Variants in WIF1 observed in about 807,000 individuals in gnomAD.
The protein encoded by WIF1 is Wnt inhibitory factor 1.
WIF1 carries 35 observed loss-of-function variants against 53.5 expected under a neutral mutation model. That is an observed-to-expected ratio of 0.65 (90% CI 0.50 to 0.87). The LOEUF (loss-of-function observed/expected upper bound fraction) is 0.87, where lower values mean the gene tolerates loss of function less well. Among genes scored for constraint, WIF1 ranks in the 40% least tolerant of loss-of-function variants. The pLI is 0.00. For synonymous variants in WIF1, 171 were observed against 170.4 expected (o/e 1.00, Z -0.03); for missense variants, 467 against 476.8 (o/e 0.98, Z 0.19).
At chr12:65,117,959 G>T (rs538485023) in intron 2 of WIF1, among the ~76,000 whole-genome samples, 114 of 152,314 alleles carry the variant, frequency 7.5e-4, no homozygotes, top group African/African-American at 2.6e-3. Context: ...TTCCCAAAAG[G>T]CCATGGACCA....
chr12:65,087,154 G>T (rs1883052239), intron 2 of WIF1, among the ~76,000 whole-genome samples: 1 of 151,886 alleles, frequency 6.6e-6, no homozygotes, highest in African/African-American at 2.4e-5. Flanking sequence ...CATCGCGGGG[G>T]AAAAAATAAA....
At chr12:65,089,052 A>G (rs1365771183) in intron 2 of WIF1, among the ~76,000 whole-genome samples, 4 of 151,930 alleles carry the variant, frequency 2.6e-5, no homozygotes, top group Non-Finnish European at 2.9e-5. Flanking sequence ...TTCAAATTAC[A>G]CCTACATTTC....
rs138241385 is a variant in WIF1 at position 65,051,383 on chromosome 12, C to T, written c.1106G>A (p.Arg369Gln). 902 of 1,613,606 alleles carry T rather than the reference C, an allele frequency of 5.6e-4. 3 individuals are homozygous for T. The highest frequency in any genetic ancestry group is 1.6e-3 in the Admixed American group (95 of 59,934). ...GTAATTGGATTCAGGTGGATCCCGCCGCTCCTCGGCCTTTTTAAGTGAAGG... is the reference window on the plus strand; with the variant it reads ...GTAATTGGATTCAGGTGGATCCCGCTGCTCCTCGGCCTTTTTAAGTGAAGG... ...HTPSLKKAEE[R>Q]RDPPESNYIW The change falls in exon 10 of 10, where the codon CGG (arginine) becomes CAG (glutamine). Residue 369 changes from arginine (R) to glutamine (Q), a missense_variant. By Grantham distance (43) the Arg-to-Gln change is conservative (BLOSUM62 1). Transcript: ENST00000286574.
At chr12:65,088,908 A>G (rs1301075921) in intron 2 of WIF1, among the ~76,000 whole-genome samples, 2 of 152,122 alleles carry the variant, frequency 1.3e-5, no homozygotes, top group African/African-American at 4.8e-5. Context: ...CTTTCATCAC[A>G]TTGTCAAAAG....
chr12:65,093,799 C>T (rs951640044), intron 2 of WIF1, among the ~76,000 whole-genome samples: 12 of 152,090 alleles, frequency 7.9e-5, no homozygotes, highest in East Asian at 1.9e-4. Flanking sequence ...TCTGGAACAT[C>T]GTTAACTCAT....
At chr12:65,055,889 A>G (rs1020481504) in intron 8 of WIF1, 142 bp downstream of exon 8, 17 of 644,812 alleles carry the variant, frequency 2.6e-5, no homozygotes, top group African/African-American at 2.4e-4. Flanking sequence ...TCTGGTCTAC[A>G]TAAGGAAGCA....
At chr12:65,101,644 GCAAAACTAAGAA>G (rs1883283501) in intron 2 of WIF1, among the ~76,000 whole-genome samples, 1 of 152,180 alleles carries the variant, frequency 6.6e-6, no homozygotes, top group African/African-American at 2.4e-5. Context: ...AAATTCAAAT[GCAAAACTAAGAA>G]CAATGCAGAA....
intron 3 of WIF1, among the ~76,000 whole-genome samples, chr12:65,077,189 G>A (rs568979738): frequency 1.3e-5 from 2 of 152,320 alleles, no homozygotes; most frequent in East Asian, 1.9e-4. Context: ...TAACGCAAGA[G>A]TGAGTCTGTT....
intron 3 of WIF1, among the ~76,000 whole-genome samples, chr12:65,070,611 C>T (rs535676864): frequency 4.6e-5 from 7 of 152,276 alleles, no homozygotes; most frequent in South Asian, 2.1e-4. Flanking sequence ...AAAACTTGAA[C>T]GGATACTTAA....
chr12:65,066,817 G>A (rs780602885), intron 5 of WIF1, 81 bp from the exon 6 acceptor site: 3 of 937,616 alleles, frequency 3.2e-6, no homozygotes, highest in Non-Finnish European at 4.6e-6. Flanking sequence ...AATACAACAG[G>A]TCTACATTTT....
At chr12:65,088,378 T>C (rs976991511) in intron 2 of WIF1, among the ~76,000 whole-genome samples, 1 of 152,146 alleles carries the variant, frequency 6.6e-6, no homozygotes, top group African/African-American at 2.4e-5. Context: ...CCAATCCTGG[T>C]TCCTTTCCAT....
At chr12:65,082,179 C>A (rs899989627) in intron 2 of WIF1, among the ~76,000 whole-genome samples, 18 of 152,042 alleles carry the variant, frequency 1.2e-4, no homozygotes, top group Non-Finnish European at 7.4e-5. Flanking sequence ...TATTCTTAGA[C>A]CCAAATCTCC....
chr12:65,059,411 A>G (rs1378295167), intron 7 of WIF1, among the ~76,000 whole-genome samples: 1 of 152,204 alleles, frequency 6.6e-6, no homozygotes, highest in Non-Finnish European at 1.5e-5. Flanking sequence ...AATAAGAAGA[A>G]CCCACTCAGT....
chr12:65,069,028 G>T (rs1882732469), intron 3 of WIF1, 124 bp from the exon 4 acceptor site: 2 of 1,014,748 alleles, frequency 2.0e-6, no homozygotes, highest in South Asian at 1.7e-5. Flanking sequence ...GGATTTCCTT[G>T]TATCTCCACT....
chr12:65,084,584 C>A (rs528529634), intron 2 of WIF1, among the ~76,000 whole-genome samples: 1 of 152,182 alleles, frequency 6.6e-6, no homozygotes, highest in South Asian at 2.1e-4. Context: ...CTTGTATTCT[C>A]ATCTAAATGT....
At chr12:65,118,999 G>A (rs545145369) in intron 2 of WIF1, among the ~76,000 whole-genome samples, 5 of 152,122 alleles carry the variant, frequency 3.3e-5, no homozygotes, top group East Asian at 1.9e-4. Context: ...TGATTCTTAC[G>A]AACCCATAAA....
rs11175640 is a variant in WIF1 at position 65,086,767 on chromosome 12, A to G, written c.289-8913T>C. ...TGAATATTTCTTTTCTTAAAGCTTC[A>G]GAAGCAGTCATTGAGTATTCATCTG... On this transcript the variant is annotated intron_variant, in intron 2 of 9. Coordinates refer to ENST00000286574, the MANE Select transcript of WIF1 (RefSeq NM_007191.5). Among the ~76,000 whole-genome samples the G allele has an allele frequency of 1.9e-4, 28 of 150,166 alleles. No individual in the cohort carries two copies. In the East Asian group the frequency reaches 4.9e-3, roughly 26 times the overall value.
At chr12:65,070,653 C>T (rs1030403820) in intron 3 of WIF1, among the ~76,000 whole-genome samples, 7 of 152,234 alleles carry the variant, frequency 4.6e-5, no homozygotes, top group South Asian at 2.1e-4. Context: ...CCTCACTGGA[C>T]GCCATCATCC....
At chr12:65,066,504 G>C (rs1337646997) in intron 6 of WIF1, 137 bp downstream of exon 6, 4 of 595,278 alleles carry the variant, frequency 6.7e-6, no homozygotes, top group Non-Finnish European at 1.0e-5. Flanking sequence ...TGGGATTTCA[G>C]TTACTATAGC....
Sources: gnomAD v4.1 joint callset for allele counts (sites outside exome capture counted in the v4.1 genomes callset) on GRCh38, gnomAD v4.1.1 for gene constraint, MANE v1.5 for transcripts, NCBI Gene and HGNC (gene_info 2026-07-23, HGNC 2026-07-21) for gene names.